Variants in DMD observed in about 807,000 individuals in gnomAD.
DMD encodes dystrophin.
DMD carries 63 observed loss-of-function variants against 330.1 expected under a neutral mutation model. That is an observed-to-expected ratio of 0.19 (90% CI 0.16 to 0.24). The LOEUF is 0.24. DMD is among the 10% of genes least tolerant of loss of function. The probability of loss-of-function intolerance (pLI) is 1.00; values close to 1 mark genes in which losing one functional copy is unlikely to be tolerated. For synonymous variants in DMD, 1,223 were observed against 959.8 expected, an observed-to-expected ratio of 1.27 and a Z score of -5.07; for missense variants, 3,344 against 2,684.1, an observed-to-expected ratio of 1.25 and a Z score of -5.43.
chrX:32,072,119 T>A (rs1475088787), intron 44 of DMD, among the ~76,000 whole-genome samples: 2 of 111,791 alleles, frequency 1.8e-5, no homozygotes, highest in East Asian at 5.6e-4. Context: ...AAATATAGTT[T>A]ATGAACAAGG....
chrX:32,141,917 C>T (rs1474762837), intron 44 of DMD, among the ~76,000 whole-genome samples: 6 of 111,447 alleles, frequency 5.4e-5, no homozygotes, highest in Non-Finnish European at 9.4e-5. Flanking sequence ...TTCGTTGATA[C>T]GTTCATTCTT....
intron 60 of DMD, among the ~76,000 whole-genome samples, chrX:31,434,103 G>GT (rs1037651866): frequency 8.1e-5 from 9 of 110,932 alleles, no homozygotes; most frequent in African/African-American, 3.0e-4. Flanking sequence ...ATAGATTTTC[G>GT]TAAGTGCTGT....
At chrX:32,962,170 T>C (rs1052177359) in intron 2 of DMD, among the ~76,000 whole-genome samples, 3 of 111,742 alleles carry the variant, frequency 2.7e-5, no homozygotes, top group Non-Finnish European at 5.6e-5. Context: ...ACAACATATA[T>C]TGAAAAATGC....
At chrX:31,638,972 T>C (rs1603433557) in intron 54 of DMD, among the ~76,000 whole-genome samples, 2 of 111,708 alleles carry the variant, frequency 1.8e-5, no homozygotes, top group East Asian at 5.6e-4. Context: ...GTGGTGAAAA[T>C]AGATTATAAT....
intron 44 of DMD, among the ~76,000 whole-genome samples, chrX:32,173,075 G>A (rs1243845578): frequency 9.5e-6 from 1 of 104,958 alleles, no homozygotes; most frequent in African/African-American, 3.5e-5. Flanking sequence ...TGGTGTGTGT[G>A]TGTGTGTGTG....
At chrX:32,087,931 G>T (rs1327290289) in intron 44 of DMD, among the ~76,000 whole-genome samples, 1 of 112,189 alleles carries the variant, frequency 8.9e-6, no homozygotes, top group Non-Finnish European at 1.9e-5. Flanking sequence ...ACACACAGAT[G>T]AATCTGACAT....
rs1348653868 is a variant in DMD at position 32,489,239 on chromosome X, C to T, written c.2622+2038G>A. Reference sequence around the variant, plus strand: ...AGTGCTATGGGCTGAATTGTGTCTTCCAAAATTCACATGTTGAAGTCCTAA... The same window carrying T: ...AGTGCTATGGGCTGAATTGTGTCTTTCAAAATTCACATGTTGAAGTCCTAA... On this transcript the variant is annotated intron_variant, in intron 20 of 78. Transcript: ENST00000357033. 8.2e-5 allele frequency among the ~76,000 whole-genome samples: 9 copies of T among 110,336 alleles called. No homozygotes were observed. The Admixed American group carries it at 8.8e-4, about 11-fold the overall frequency.
At chrX:32,143,059 C>T (rs6631505) in intron 44 of DMD, among the ~76,000 whole-genome samples, 41,453 of 108,903 alleles carry the variant, frequency 0.38, 5,870 homozygotes, top group East Asian at 0.72. Flanking sequence ...CATCAGATAT[C>T]GACAACTTTT....
intron 41 of DMD, among the ~76,000 whole-genome samples, chrX:32,329,908 T>C (rs1331531879): frequency 8.9e-6 from 1 of 112,542 alleles, no homozygotes; most frequent in Non-Finnish European, 1.9e-5. Context: ...ATATGGGCAC[T>C]TGGATTATAT....
At chrX:33,320,789 T>G (rs899247691) in intron 1 of DMD, among the ~76,000 whole-genome samples, 2 of 112,739 alleles carry the variant, frequency 1.8e-5, no homozygotes, top group Admixed American at 9.4e-5. Flanking sequence ...GGAGTCAGTC[T>G]TCTCAAATTC....
intron 32 of DMD, among the ~76,000 whole-genome samples, chrX:32,389,100 T>C (rs756547458): frequency 9.0e-6 from 1 of 111,665 alleles, no homozygotes; most frequent in African/African-American, 3.2e-5. Context: ...AGGTAATCTG[T>C]AGCCTTAAGA....
chrX:33,056,228 G>T (rs766512659), intron 1 of DMD, among the ~76,000 whole-genome samples: 1 of 110,762 alleles, frequency 9.0e-6, no homozygotes, highest in East Asian at 2.8e-4. Context: ...GTCCCGCATG[G>T]TCCTCATCAA....
At chrX:31,723,485 T>C (rs1258208646) in intron 52 of DMD, among the ~76,000 whole-genome samples, 1 of 110,809 alleles carries the variant, frequency 9.0e-6, no homozygotes, top group Non-Finnish European at 1.9e-5. Flanking sequence ...GCAATCAATG[T>C]CAAAATCCTG....
chrX:32,021,368 A>G (rs1694674773), intron 44 of DMD, among the ~76,000 whole-genome samples: 1 of 112,218 alleles, frequency 8.9e-6, no homozygotes, highest in Non-Finnish European at 1.9e-5. Context: ...GGTGTTGAAC[A>G]TACGTTTTTT....
chrX:33,124,647 T>C (rs1195511160), intron 1 of DMD, among the ~76,000 whole-genome samples: 1 of 110,537 alleles, frequency 9.0e-6, no homozygotes, highest in African/African-American at 3.3e-5. Flanking sequence ...AAGGATTCAA[T>C]GATGAAAGAC....
chrX:31,627,940 G>A, intron 54 of DMD, 78 bp from the exon 55 acceptor site: 5 of 981,032 alleles, frequency 5.1e-6, no homozygotes, highest in Non-Finnish European at 7.1e-6. Flanking sequence ...AAAAGAGAAA[G>A]ATGGAGGAAC....
intron 60 of DMD, among the ~76,000 whole-genome samples, chrX:31,399,788 C>T (rs769528052): frequency 1.8e-5 from 2 of 111,168 alleles, no homozygotes; most frequent in African/African-American, 3.3e-5. Context: ...CATTAGAAGG[C>T]CAAATCATTA....
At chrX:31,284,705 G>A (rs888668058) in intron 62 of DMD, among the ~76,000 whole-genome samples, 1 of 107,002 alleles carries the variant, frequency 9.3e-6, no homozygotes, top group Non-Finnish European at 1.9e-5. Flanking sequence ...CAAAGTGTTC[G>A]GATAACCGGC....
intron 60 of DMD, among the ~76,000 whole-genome samples, chrX:31,378,265 A>T (rs1394555223): frequency 9.0e-6 from 1 of 111,275 alleles, no homozygotes; most frequent in Admixed American, 9.5e-5. Context: ...TCCACCTACG[A>T]CCTCTGGTCC....
Sources: allele counts gnomAD v4.1 joint callset (sites outside exome capture counted in the v4.1 genomes callset), GRCh38; gene constraint gnomAD v4.1.1; transcripts MANE v1.5; gene names NCBI Gene and HGNC (gene_info 2026-07-23, HGNC 2026-07-21).